ALS2: variants seen among roughly 807,000 people sequenced by gnomAD.
The protein encoded by ALS2 is alsin Rho guanine nucleotide exchange factor ALS2, also known as alsin.
Under a neutral mutation model 203.4 loss-of-function variants are expected in ALS2, and 117 were observed. The observed-to-expected ratio is 0.58, with a 90% CI of 0.50 to 0.67. ALS2 has a LOEUF of 0.67. ALS2 is among the 30% of genes least tolerant of loss of function. The pLI, the probability that ALS2 is intolerant of heterozygous loss-of-function variation, is 0.00. For missense variants in ALS2, 1,715 were observed against 1,989.4 expected (o/e 0.86, Z 2.62); for synonymous variants, 718 against 725.9 (o/e 0.99, Z 0.17).
At chr2:201,749,046 C>T (rs1692857526) in intron 8 of ALS2, among the ~76,000 whole-genome samples, 1 of 152,160 alleles carries the variant, frequency 6.6e-6, no homozygotes, top group Admixed American at 6.5e-5. Context: ...TACCAAAAAC[C>T]CTAAAACTCT....
chr2:201,729,829 C>T (rs1313350708), intron 13 of ALS2, among the ~76,000 whole-genome samples: 7 of 144,642 alleles, frequency 4.8e-5, no homozygotes, highest in Admixed American at 1.4e-4. Flanking sequence ...TGCAGTGAGC[C>T]GAGATGCGCC....
Position 201,727,271 on chromosome 2 carries a change from A to G in ALS2, c.2920T>C (p.Leu974=). ...TGCTCCTCAGGTGTAGTTATCTTTA[A>G]GCCATTCCTAAAACGTTCACAAGGA... ...LSEEAGGVNG[L]KITTPEEQFT... is the part of the protein sequence containing the mutation. The change falls in exon 17 of 34, where the codon TTA becomes CTA. Residue 974 remains leucine (L), a synonymous_variant. Transcript: ENST00000264276. 1 of 1,613,510 alleles carries G rather than the reference A, an allele frequency of 6.2e-7. No homozygotes were observed.
chr2:201,717,103 T>C (rs1207547006), intron 24 of ALS2, among the ~76,000 whole-genome samples: 4 of 152,062 alleles, frequency 2.6e-5, no homozygotes, highest in East Asian at 1.9e-4. Context: ...ACTATTCCAC[T>C]TGGGGTGTGT....
intron 4 of ALS2, among the ~76,000 whole-genome samples, chr2:201,758,744 ATG>A (rs1388439701): frequency 1.0e-5 from 1 of 100,004 alleles, no homozygotes; most frequent in African/African-American, 3.9e-5. Context: ...TACAAATATA[ATG>A]TGTGTGTGTG....
rs1397260814 is a variant in ALS2, at chr2:201,741,738, C to T, written c.2287G>A (p.Val763Ile). 6.2e-7 allele frequency: 1 copy of T among 1,614,026 alleles called. No individual in the cohort carries two copies. The change falls in exon 11 of 34, where the codon GTA becomes ATA. Residue 763 changes from valine to isoleucine, a missense_variant. This residue lies in a region of ALS2 where 1,227 missense variants were observed against 1,413.5 expected (regional missense o/e 0.87). Transcript: ENST00000264276. The part of the protein sequence containing the change: ...GASLSSFLHG[V>I]KEARSLVILK... ...ATGACCAAACTCCTGGCTTCCTTTACCCCATGAAGGAAGCTGCTCAATGAG... is the reference window on the plus strand; with the variant it reads ...ATGACCAAACTCCTGGCTTCCTTTATCCCATGAAGGAAGCTGCTCAATGAG...
intron 29 of ALS2, among the ~76,000 whole-genome samples, chr2:201,706,535 T>TTTTATA (rs1363426039): frequency 1.4e-5 from 2 of 143,852 alleles, no homozygotes; most frequent in Non-Finnish European, 1.5e-5. Context: ...AGCTCACACT[T>TTTTATA]TATATATATA....
chr2:201,707,737 C>T (rs1199102633), intron 28 of ALS2, 132 bp downstream of exon 28: 2 of 1,260,296 alleles, frequency 1.6e-6, no homozygotes, highest in Non-Finnish European at 1.1e-6. Context: ...CCCCAACCCT[C>T]CTGGCCCCAA....
rs550469474 is a variant in ALS2 at position 201,750,427 on chromosome 2, G to A, written c.1738-638C>T. Among the ~76,000 whole-genome samples, 3 of 152,232 alleles carry A rather than the reference G, an allele frequency of 2.0e-5. No homozygotes were observed. The East Asian group carries it at 5.8e-4, about 29-fold the overall frequency. On this transcript the variant is annotated intron_variant, in intron 7 of 33. Coordinates refer to ENST00000264276, the MANE Select transcript of ALS2 (RefSeq NM_020919.4). ...TTAATCCCAGGAATTATCGTATACT[G>A]CCTCTTTTAGAGAAAGCAATAAAAA...
At chr2:201,726,968 C>T (rs1222777568) in intron 17 of ALS2, 102 bp from the exon 18 acceptor site, 3 of 1,092,516 alleles carry the variant, frequency 2.7e-6, no homozygotes, top group African/African-American at 1.6e-5. Flanking sequence ...TATTTGTGTC[C>T]TAATGCTTTT....
chr2:201,729,068 A>G lies in ALS2; in HGVS notation c.2696T>C (p.Phe899Ser). ...ATGGCTTACCGTCATTTTTCCGGGGAAGGTCTTCCAGAAGCCCAGTGTGTA... is the reference window on the plus strand; with the variant it reads ...ATGGCTTACCGTCATTTTTCCGGGGGAGGTCTTCCAGAAGCCCAGTGTGTA... The part of the protein sequence containing the change: ...AEYTLGFWKT[F>S]PGKMTDSLRK... The change falls in exon 14 of 34, where the codon TTC becomes TCC. Residue 899 changes from phenylalanine to serine, a missense_variant. By Grantham distance (155) the Phe-to-Ser change is radical (BLOSUM62 -2). Transcript: ENST00000264276. 6.2e-7 allele frequency: 1 copy of G among 1,614,150 alleles called. No homozygotes were observed. The highest frequency in any genetic ancestry group is 1.1e-5 in the South Asian group (1 of 91,082).
Position 201,729,064 on chromosome 2 carries a change from G to A in ALS2, c.2700C>T (p.Pro900=), listed in dbSNP as rs752016144. 1.7e-5 allele frequency: 27 copies of A among 1,613,940 alleles called. No individual in the cohort carries two copies. Among genetic ancestry groups the A allele is most frequent in the Middle Eastern group, 1.6e-4 (1 of 6,084 alleles). ...EYTLGFWKTF[P]GKMTDSLRKP... ...TGGCATGGCTTACCGTCATTTTTCCGGGGAAGGTCTTCCAGAAGCCCAGTG... is the reference window on the plus strand; with the variant it reads ...TGGCATGGCTTACCGTCATTTTTCCAGGGAAGGTCTTCCAGAAGCCCAGTG... The change falls in exon 14 of 34, where the codon CCC becomes CCT. Residue 900 remains proline (P), a synonymous_variant. Transcript: ENST00000264276.
chr2:201,745,319 A>C (rs570188152), intron 9 of ALS2, among the ~76,000 whole-genome samples: 1 of 152,228 alleles, frequency 6.6e-6, no homozygotes, highest in African/African-American at 2.4e-5. Flanking sequence ...AAGTTCTGGG[A>C]TTATAGGGAT....
At chr2:201,780,267 C>A (rs1159697363) in intron 1 of ALS2, among the ~76,000 whole-genome samples, 1 of 152,202 alleles carries the variant, frequency 6.6e-6, no homozygotes, top group East Asian at 1.9e-4. Flanking sequence ...TTTCTGGCTT[C>A]GCTTCTCAAA....
intron 1 of ALS2, 98 bp downstream of exon 1, chr2:201,780,779 T>G (rs1213240080): frequency 6.5e-6 from 1 of 152,846 alleles, no homozygotes; most frequent in African/African-American, 2.4e-5. Context: ...GACCACAGCC[T>G]CCGCCTAGCT....
At chr2:201,726,956 ATTAT>A in intron 17 of ALS2, 90 bp from the exon 18 acceptor site, 3 of 1,182,692 alleles carry the variant, frequency 2.5e-6, no homozygotes, top group African/African-American at 1.5e-5. Flanking sequence ...GTGTGAATAA[ATTAT>A]TTGTGTCCTA....
intron 9 of ALS2, among the ~76,000 whole-genome samples, chr2:201,744,780 A>G (rs1181866325): frequency 2.6e-5 from 4 of 152,340 alleles, no homozygotes; most frequent in Non-Finnish European, 5.9e-5. Context: ...GTTTGGAAAC[A>G]GACCCCCTGG....
intron 23 of ALS2, 48 bp from the exon 24 acceptor site, chr2:201,718,258 A>C: frequency 6.3e-7 from 1 of 1,577,048 alleles, no homozygotes; most frequent in Non-Finnish European, 8.7e-7. Context: ...AAATATATTC[A>C]ATATTCATTT....
At chr2:201,716,225 T>C (rs1389838717) in intron 24 of ALS2, among the ~76,000 whole-genome samples, 1 of 151,784 alleles carries the variant, frequency 6.6e-6, no homozygotes, top group Non-Finnish European at 1.5e-5. Context: ...CTGGCCAACA[T>C]GGTGAAACTC....
intron 1 of ALS2, among the ~76,000 whole-genome samples, chr2:201,771,913 G>A (rs944313857): frequency 3.9e-5 from 6 of 152,168 alleles, no homozygotes; most frequent in Non-Finnish European, 8.8e-5. Flanking sequence ...AAGAAGCCAT[G>A]TGATGTTGCA....
Sources: allele counts gnomAD v4.1 joint callset (sites outside exome capture counted in the v4.1 genomes callset), GRCh38; gene constraint gnomAD v4.1.1; regional missense constraint gnomAD v4.1.1; transcripts MANE v1.5; gene names NCBI Gene and HGNC (gene_info 2026-07-23, HGNC 2026-07-21).